Variants in PSMA8 observed in about 807,000 individuals in gnomAD.
PSMA8 encodes proteasome subunit alpha-type 8.
PSMA8 carries 18 observed loss-of-function variants against 32.4 expected under a neutral mutation model. That is an observed-to-expected ratio of 0.56 (90% CI 0.38 to 0.82). The LOEUF is 0.82. Among genes scored for constraint, PSMA8 ranks in the 40% least tolerant of loss-of-function variants. The pLI, the probability that PSMA8 is intolerant of heterozygous loss-of-function variation, is 0.00. For missense variants in PSMA8, 298 were observed against 300.7 expected, an observed-to-expected ratio of 0.99 and a Z score of 0.07; for synonymous variants, 104 against 98.1, an observed-to-expected ratio of 1.06 and a Z score of -0.36.
intron 4 of PSMA8, among the ~76,000 whole-genome samples, chr18:26,159,660 C>T (rs1479347077): frequency 6.6e-6 from 1 of 151,962 alleles, no homozygotes; most frequent in Non-Finnish European, 1.5e-5. Context: ...TTCTTAGGGA[C>T]GTACAGAGAA....
At chr18:26,160,387 T>C (rs572362052) in intron 4 of PSMA8, among the ~76,000 whole-genome samples, 64 of 152,352 alleles carry the variant, frequency 4.2e-4, no homozygotes, top group African/African-American at 1.5e-3. Context: ...TCTATGTTGT[T>C]TGCATTACAT....
intron 4 of PSMA8, among the ~76,000 whole-genome samples, chr18:26,166,507 A>G (rs1264076690): frequency 6.6e-6 from 1 of 152,142 alleles, no homozygotes; most frequent in Non-Finnish European, 1.5e-5. Flanking sequence ...AACCATAAAG[A>G]TTGTTAGTTT....
intron 4 of PSMA8, among the ~76,000 whole-genome samples, chr18:26,158,998 C>G (rs1008235020): frequency 6.6e-6 from 1 of 152,032 alleles, no homozygotes; most frequent in African/African-American, 2.4e-5. Flanking sequence ...ACAATGCCCC[C>G]CTGCCCCCCG....
intron 1 of PSMA8, among the ~76,000 whole-genome samples, chr18:26,142,826 A>T (rs1190047933): frequency 6.6e-6 from 1 of 152,176 alleles, no homozygotes; most frequent in Admixed American, 6.5e-5. Flanking sequence ...AATCCCAGTC[A>T]ACCATCATGA....
At chr18:26,179,857 G>A (rs2055295891) in intron 6 of PSMA8, among the ~76,000 whole-genome samples, 1 of 151,828 alleles carries the variant, frequency 6.6e-6, no homozygotes, top group Admixed American at 6.6e-5. Flanking sequence ...GACTGAGGTG[G>A]GAGGATCACT....
intron 2 of PSMA8, among the ~76,000 whole-genome samples, chr18:26,147,402 G>A (rs951026566): frequency 6.6e-6 from 1 of 152,006 alleles, no homozygotes; most frequent in African/African-American, 2.4e-5. Context: ...GATATCTTGA[G>A]AGAAAGGCAA....
At chr18:26,184,495 G>T (rs1021291056) in intron 6 of PSMA8, among the ~76,000 whole-genome samples, 1 of 150,222 alleles carries the variant, frequency 6.7e-6, no homozygotes, top group African/African-American at 2.5e-5. Context: ...GTTTTTGGCC[G>T]GGCGCGGTGG....
intron 3 of PSMA8, 50 bp downstream of exon 3, chr18:26,152,032 T>C (rs1190446152): frequency 2.0e-6 from 3 of 1,468,206 alleles, no homozygotes; most frequent in Non-Finnish European, 2.7e-6. Context: ...TTTTTCATCA[T>C]TATAAGTCCT....
intron 1 of PSMA8, chr18:26,140,182 G>A (rs1302905254): frequency 2.8e-6 from 2 of 702,070 alleles, no homozygotes; most frequent in Non-Finnish European, 5.2e-6. Flanking sequence ...ATTTGGGGTG[G>A]GCCTGCCACT....
chr18:26,135,545 T>G (rs942082167), intron 1 of PSMA8, among the ~76,000 whole-genome samples: 1 of 152,172 alleles, frequency 6.6e-6, no homozygotes, highest in East Asian at 1.9e-4. Context: ...TGCAAGTAAT[T>G]TTTTTAGAAT....
intron 4 of PSMA8, chr18:26,170,755 A>G: frequency 1.3e-6 from 2 of 1,539,804 alleles, no homozygotes; most frequent in South Asian, 2.2e-5. Context: ...TCAAATTTGT[A>G]CTTAATGCCT....
intron 1 of PSMA8, among the ~76,000 whole-genome samples, chr18:26,135,183 G>A (rs1340489445): frequency 2.6e-5 from 4 of 152,116 alleles, no homozygotes; most frequent in Non-Finnish European, 5.9e-5. Flanking sequence ...AATAATTTTA[G>A]TGATTTATAA....
chr18:26,146,954 G>C (rs764193546), intron 2 of PSMA8, among the ~76,000 whole-genome samples: 4 of 152,144 alleles, frequency 2.6e-5, no homozygotes, highest in African/African-American at 4.8e-5. Flanking sequence ...AGAAGGCAAA[G>C]GGGGAGTGAG....
chr18:26,191,116 G>A (rs984116141), intron 6 of PSMA8, among the ~76,000 whole-genome samples: 6 of 151,972 alleles, frequency 3.9e-5, no homozygotes, highest in African/African-American at 1.5e-4. Flanking sequence ...TTAATCTTTG[G>A]CCAAATATAA....
At chr18:26,164,355 T>A (rs1302834083) in intron 4 of PSMA8, among the ~76,000 whole-genome samples, 1 of 152,162 alleles carries the variant, frequency 6.6e-6, no homozygotes, top group Non-Finnish European at 1.5e-5. Context: ...AACCATCAAG[T>A]GAAAGATGGC....
intron 3 of PSMA8, 43 bp from the exon 4 acceptor site, chr18:26,158,079 G>T: frequency 7.3e-7 from 1 of 1,363,372 alleles, no homozygotes; most frequent in African/African-American, 1.5e-5. Context: ...TTTTTATTTT[G>T]TAACTAATAG....
rs1380588156 is a variant in PSMA8, at chr18:26,141,718, T to TC, written c.103-2841_103-2840insC. Reference sequence around the variant, plus strand: ...TTTCTGTTTCTTTCTTTTTTCTTTTTTTTTTTTTTTTTTTTGAGAAAGAGG... The same window carrying TC: ...TTTCTGTTTCTTTCTTTTTTCTTTTTCTTTTTTTTTTTTTTTGAGAAAGAGG... On this transcript the variant is annotated intron_variant, in intron 1 of 6. Transcript: ENST00000415576. 1.6e-4 allele frequency among the ~76,000 whole-genome samples: 23 copies of TC among 146,306 alleles called. No homozygotes were observed. In the East Asian group the frequency reaches 4.3e-3, roughly 27 times the overall value.
At chr18:26,139,201 G>A (rs1052438230) in intron 1 of PSMA8, among the ~76,000 whole-genome samples, 2 of 152,194 alleles carry the variant, frequency 1.3e-5, no homozygotes, top group South Asian at 2.1e-4. Context: ...TGTTTTGCTT[G>A]CTTACTCTGG....
intron 3 of PSMA8, among the ~76,000 whole-genome samples, chr18:26,152,322 GT>G (rs1227766967): frequency 6.6e-6 from 1 of 151,668 alleles, no homozygotes; most frequent in Non-Finnish European, 1.5e-5. Flanking sequence ...TTTTGTTTTT[GT>G]TTTTGTTTTT....
Sources: allele counts gnomAD v4.1 joint callset (sites outside exome capture counted in the v4.1 genomes callset), GRCh38; gene constraint gnomAD v4.1.1; transcripts MANE v1.5; gene names NCBI Gene and HGNC (gene_info 2026-07-23, HGNC 2026-07-21).